VTI1A: variants seen among roughly 807,000 people sequenced by gnomAD.
VTI1A encodes vesicle transport through interaction with t-SNAREs 1A.
VTI1A carries 22 observed loss-of-function variants against 34.9 expected under a neutral mutation model. The observed-to-expected ratio is 0.63, with a 90% CI of 0.45 to 0.90. The LOEUF is 0.90. VTI1A is among the 40% of genes least tolerant of loss of function. The pLI, the probability that VTI1A is intolerant of heterozygous loss-of-function variation, is 0.00. For synonymous variants in VTI1A, 87 were observed against 97.3 expected, an observed-to-expected ratio of 0.89 and a Z score of 0.62; for missense variants, 268 against 275.6, an observed-to-expected ratio of 0.97 and a Z score of 0.20.
At chr10:112,629,654 A>C (rs1564856516) in intron 5 of VTI1A, among the ~76,000 whole-genome samples, 1 of 152,268 alleles carries the variant, frequency 6.6e-6, no homozygotes, top group Non-Finnish European at 1.5e-5. Flanking sequence ...GCTATACAGC[A>C]GCAGTTTAGT....
intron 5 of VTI1A, among the ~76,000 whole-genome samples, chr10:112,621,966 G>C (rs941721074): frequency 1.3e-5 from 2 of 152,166 alleles, no homozygotes; most frequent in African/African-American, 4.8e-5. Context: ...TACTAAATGA[G>C]AGTATTCCTC....
intron 3 of VTI1A, among the ~76,000 whole-genome samples, chr10:112,517,839 AG>A (rs1397997670): frequency 1.5e-4 from 23 of 152,124 alleles, no homozygotes; most frequent in African/African-American, 5.6e-4. Flanking sequence ...CTACAGCCTA[AG>A]AAGTCATGAC....
At chr10:112,720,440 T>G (rs1274326838) in intron 7 of VTI1A, among the ~76,000 whole-genome samples, 3 of 152,210 alleles carry the variant, frequency 2.0e-5, no homozygotes, top group African/African-American at 4.8e-5. Flanking sequence ...TGGCTTTGGT[T>G]TGCATTTCCC....
intron 3 of VTI1A, among the ~76,000 whole-genome samples, chr10:112,468,549 G>C (rs939200932): frequency 2.4e-4 from 37 of 152,066 alleles, no homozygotes; most frequent in Non-Finnish European, 4.4e-4. Flanking sequence ...TATGCCCATG[G>C]GGAGGGGCAG....
chr10:112,801,312 C>T (rs1426330537), intron 7 of VTI1A, among the ~76,000 whole-genome samples: 1 of 152,082 alleles, frequency 6.6e-6, no homozygotes, highest in Non-Finnish European at 1.5e-5. Context: ...TAGGCCTGAG[C>T]CATCAGATCT....
At chr10:112,714,907 G>T (rs751416985) in intron 7 of VTI1A, among the ~76,000 whole-genome samples, 4 of 152,170 alleles carry the variant, frequency 2.6e-5, no homozygotes, top group Non-Finnish European at 5.9e-5. Flanking sequence ...TCCATGATGT[G>T]CACCGTGTTC....
chr10:112,509,584 G>A (rs1031729679), intron 3 of VTI1A, among the ~76,000 whole-genome samples: 2 of 152,208 alleles, frequency 1.3e-5, no homozygotes, highest in Non-Finnish European at 2.9e-5. Context: ...GGGTCTAACT[G>A]GGGCTACCAT....
At chr10:112,840,888 T>C in the VTI1A span, among the ~76,000 whole-genome samples, 637 of 152,282 alleles carry the variant, frequency 4.2e-3, 2 homozygotes, top group African/African-American at 0.014. Context: ...CTCTTGGCCT[T>C]GGGTGACAGT....
chr10:112,773,726 G>A (rs1355933449), intron 7 of VTI1A, among the ~76,000 whole-genome samples: 1 of 152,228 alleles, frequency 6.6e-6, no homozygotes, highest in Admixed American at 6.5e-5. Flanking sequence ...TGTGGGAAGA[G>A]AGGACCAAGA....
chr10:112,656,413 G>A (rs1047681810), intron 5 of VTI1A, among the ~76,000 whole-genome samples: 7 of 147,556 alleles, frequency 4.7e-5, no homozygotes, highest in Non-Finnish European at 1.0e-4. Context: ...TTTTTAAACA[G>A]GGTCTTTCTC....
At chr10:112,562,233 A>G (rs927765761) in intron 5 of VTI1A, among the ~76,000 whole-genome samples, 9 of 152,166 alleles carry the variant, frequency 5.9e-5, no homozygotes, top group African/African-American at 2.2e-4. Context: ...TCCAGAAACA[A>G]TGATGTTTTA....
At chr10:112,618,869 AGAG>A (rs1402291441) in intron 5 of VTI1A, among the ~76,000 whole-genome samples, 2 of 152,094 alleles carry the variant, frequency 1.3e-5, no homozygotes, top group African/African-American at 4.8e-5. Context: ...TGACTGGCTA[AGAG>A]GAGGTGAGGT....
intron 7 of VTI1A, among the ~76,000 whole-genome samples, chr10:112,786,670 T>G (rs1590183636): frequency 6.6e-6 from 1 of 152,222 alleles, no homozygotes; most frequent in East Asian, 1.9e-4. Flanking sequence ...TTTTGCCAAG[T>G]GTTTTTTCTC....
At chr10:112,720,285 A>G (rs1849755934) in intron 7 of VTI1A, among the ~76,000 whole-genome samples, 1 of 152,212 alleles carries the variant, frequency 6.6e-6, no homozygotes, top group Non-Finnish European at 1.5e-5. Context: ...AAACTGCCAA[A>G]CTATTTTCTA....
chr10:112,855,292 C>T, the VTI1A span, among the ~76,000 whole-genome samples: 4 of 152,124 alleles, frequency 2.6e-5, no homozygotes, highest in African/African-American at 9.7e-5. Context: ...CATTACAGAA[C>T]AAAGGAACCT....
chr10:112,609,921 A>G (rs1171004408), intron 5 of VTI1A, among the ~76,000 whole-genome samples: 2 of 152,102 alleles, frequency 1.3e-5, no homozygotes, highest in African/African-American at 4.8e-5. Flanking sequence ...TTAAAAGGAT[A>G]GGGAAGTTTT....
chr10:112,687,503 G>A (rs959715548), intron 7 of VTI1A, among the ~76,000 whole-genome samples: 10 of 151,834 alleles, frequency 6.6e-5, no homozygotes, highest in African/African-American at 2.4e-4. Flanking sequence ...AAAGTGCAGG[G>A]ATTACAGGTG....
Position 112,668,280 on chromosome 10 carries a change from C to A in VTI1A, c.490C>A (p.Arg164Ser). The A allele has an allele frequency of 6.2e-7, 1 of 1,612,026 alleles. No individual in the cohort carries two copies. Among genetic ancestry groups the A allele is most frequent in the Non-Finnish European group, 8.5e-7 (1 of 1,178,822 alleles). The part of the protein sequence containing the change: ...SHDREKIQRA[R>S]ERLRETDANL... ...TGACAGAGAAAAGATACAGCGAGCACGTGAAAGAGTAAGTACAATTGATAC... is the reference window on the plus strand; with the variant it reads ...TGACAGAGAAAAGATACAGCGAGCAAGTGAAAGAGTAAGTACAATTGATAC... Residue 164 changes from arginine (R) to serine (S), a missense_variant, in exon 6 of 8, where the codon CGT becomes AGT. Physicochemically the swap from Arg to Ser is moderately radical, Grantham distance 110. Coordinates refer to ENST00000393077, the MANE Select transcript of VTI1A (RefSeq NM_145206.4).
chr10:112,796,505 C>G (rs571509913), intron 7 of VTI1A, among the ~76,000 whole-genome samples: 91 of 152,206 alleles, frequency 6.0e-4, no homozygotes, highest in African/African-American at 2.1e-3. Flanking sequence ...TCCCAACCCA[C>G]TGATCTCGTG....
Sources: allele counts gnomAD v4.1 joint callset (sites outside exome capture counted in the v4.1 genomes callset), GRCh38; gene constraint gnomAD v4.1.1; transcripts MANE v1.5; gene names NCBI Gene and HGNC (gene_info 2026-07-23, HGNC 2026-07-21).